Variants in RAPGEF1 observed in about 807,000 individuals in gnomAD.
RAPGEF1 encodes CRK SH3-binding GNRP.
RAPGEF1 carries 33 observed loss-of-function variants against 143.3 expected under a neutral mutation model. The ratio of observed to expected loss-of-function variants is 0.23; its 90% CI spans 0.17 to 0.31. The LOEUF is 0.31. Among genes scored for constraint, RAPGEF1 ranks in the 10% least tolerant of loss-of-function variants. The pLI, the probability that RAPGEF1 is intolerant of heterozygous loss-of-function variation, is 1.00. For synonymous variants in RAPGEF1, 629 were observed against 676.5 expected (o/e 0.93, Z 1.09); for missense variants, 1,199 against 1,645.4 (o/e 0.73, Z 4.69).
chr9:131,587,619 G>T, intron 22 of RAPGEF1, 117 bp downstream of exon 22: 1 of 941,652 alleles, frequency 1.1e-6, no homozygotes, highest in Non-Finnish European at 1.6e-6. Flanking sequence ...GAGCTTAGCG[G>T]AATGAAAGAG....
chr9:131,594,550 G>A (rs1430437860), intron 17 of RAPGEF1, among the ~76,000 whole-genome samples: 2 of 152,206 alleles, frequency 1.3e-5, no homozygotes, highest in African/African-American at 4.8e-5. Context: ...CCAGCTGCTC[G>A]TGATGCTGGT....
chr9:131,597,943 C>A (rs1036717655), intron 16 of RAPGEF1, among the ~76,000 whole-genome samples: 12 of 152,178 alleles, frequency 7.9e-5, no homozygotes, highest in Non-Finnish European at 1.3e-4. Context: ...GGAGTTCTGG[C>A]ATCTTTAGCT....
chr9:131,694,854 T>G (rs921845308), intron 1 of RAPGEF1, among the ~76,000 whole-genome samples: 1 of 151,574 alleles, frequency 6.6e-6, no homozygotes, highest in Non-Finnish European at 1.5e-5. Context: ...ACGTGCAGGT[T>G]AGTTACATTT....
chr9:131,689,040 C>A (rs1262862341), intron 1 of RAPGEF1, among the ~76,000 whole-genome samples: 1 of 152,192 alleles, frequency 6.6e-6, no homozygotes, highest in East Asian at 1.9e-4. Context: ...TTTTTAAACT[C>A]GTTTCATCCA....
intron 18 of RAPGEF1, among the ~76,000 whole-genome samples, chr9:131,591,546 G>A (rs952845756): frequency 1.4e-4 from 22 of 152,200 alleles, no homozygotes; most frequent in Non-Finnish European, 2.6e-4. Context: ...GACATTTACT[G>A]AGGGTGGGCC....
chr9:131,592,330 C>A (rs1004442368), intron 17 of RAPGEF1, 147 bp from the exon 18 acceptor site: 3 of 617,708 alleles, frequency 4.9e-6, no homozygotes, highest in Non-Finnish European at 8.7e-6. Context: ...GGCTTGGGAA[C>A]CCCCTCTGGT....
At chr9:131,719,972 C>T (rs1194397534) in intron 1 of RAPGEF1, among the ~76,000 whole-genome samples, 16 of 151,852 alleles carry the variant, frequency 1.1e-4, no homozygotes, top group Admixed American at 1.1e-3. Flanking sequence ...TGCAACCTCC[C>T]CCTTCTGGGT....
At chr9:131,582,504 C>A (rs1952026833) in intron 25 of RAPGEF1, 101 bp downstream of exon 25, 1 of 850,138 alleles carries the variant, frequency 1.2e-6, no homozygotes, top group East Asian at 3.0e-5. Context: ...CCGTTAGAAA[C>A]CCCTAAATTA....
chr9:131,628,715 C>G lies in RAPGEF1; in HGVS notation c.894-43G>C, dbSNP rs369108686. The G allele has an allele frequency of 7.1e-6, 11 of 1,549,670 alleles. No homozygotes were observed. Among genetic ancestry groups the G allele is most frequent in the Non-Finnish European group, 9.6e-6 (11 of 1,142,686 alleles). ...GTCCAGGCAGACCAAACCACACTCA[C>G]CAAAGCTCTTCAGCGTGATATTGGG... On this transcript the variant is annotated intron_variant, in intron 7 of 26. Transcript: ENST00000683357. The surrounding 1 kb of genome is among the most constrained non-coding windows in gnomAD (Gnocchi z 5.7).
At chr9:131,718,611 G>T (rs1416381498) in intron 1 of RAPGEF1, among the ~76,000 whole-genome samples, 4 of 152,116 alleles carry the variant, frequency 2.6e-5, no homozygotes, top group Non-Finnish European at 5.9e-5. Flanking sequence ...GAGAGAGGAG[G>T]CAAGGACACC....
Position 131,734,024 on chromosome 9 carries a change from C to T in RAPGEF1, c.61+5746G>A, listed in dbSNP as rs534563709. Among the ~76,000 whole-genome samples, 279 of 152,314 alleles carry T rather than the reference C, an allele frequency of 1.8e-3. 2 individuals carry two copies. The highest frequency in any genetic ancestry group is 3.4e-3 in the Middle Eastern group (1 of 294). ...TGCTATTTCTTATCTCTCTACAGCA[C>T]TGTTAATGTGACTAGTATTACGAGT... On this transcript the variant is annotated intron_variant, in intron 1 of 26. Transcript: ENST00000683357.
At chr9:131,644,810 A>G (rs893088309) in intron 3 of RAPGEF1, among the ~76,000 whole-genome samples, 3 of 152,212 alleles carry the variant, frequency 2.0e-5, no homozygotes, top group African/African-American at 7.2e-5. Context: ...TTAAAAAAAT[A>G]AAGTTTAAAA....
At position 131,584,684 on chromosome 9, in the gene RAPGEF1, C is replaced by G; in HGVS notation, c.3234-88G>C. 7.3e-7 allele frequency: 1 copy of G among 1,369,404 alleles called. No individual in the cohort carries two copies. The highest frequency in any genetic ancestry group is 1.0e-6 in the Non-Finnish European group (1 of 965,654). The allele number at this position is 1,369,404 out of a possible 1,614,324, so 84.8% of individuals were successfully genotyped here. The stretch of plus-strand genomic sequence containing the variant: ...CTGGTGGAGACAGGACCTGTACGAC[C>G]CCCATGCCAGTGGCCACGAGCCCAC... On this transcript the variant is annotated intron_variant, in intron 22 of 26. Coordinates refer to ENST00000683357, the MANE Select transcript of RAPGEF1 (RefSeq NM_001377935.1). This position sits in a 1 kb window ranked among gnomAD's most constrained non-coding sequence, Gnocchi z 6.8.
At chr9:131,635,591 C>G (rs1212500825) in intron 5 of RAPGEF1, among the ~76,000 whole-genome samples, 1 of 152,214 alleles carries the variant, frequency 6.6e-6, no homozygotes, top group Non-Finnish European at 1.5e-5. Flanking sequence ...CTCTCTCACG[C>G]CACCAGGGCA....
intron 16 of RAPGEF1, among the ~76,000 whole-genome samples, chr9:131,597,632 C>G (rs1955527550): frequency 6.6e-6 from 1 of 152,208 alleles, no homozygotes; most frequent in Admixed American, 6.5e-5. Context: ...TTCCTCTCCA[C>G]TCTCACAGGT....
At chr9:131,708,029 T>C (rs1416159694) in intron 1 of RAPGEF1, among the ~76,000 whole-genome samples, 1 of 152,080 alleles carries the variant, frequency 6.6e-6, no homozygotes, top group Non-Finnish European at 1.5e-5. Context: ...TGCTAAGGAG[T>C]ACCCTTTCCA....
intron 1 of RAPGEF1, among the ~76,000 whole-genome samples, chr9:131,671,924 C>T (rs944853843): frequency 6.6e-6 from 1 of 152,216 alleles, no homozygotes; most frequent in African/African-American, 2.4e-5. Flanking sequence ...AGAGGCCATG[C>T]ATGTATTAAG....
rs1970925282 is a variant in RAPGEF1, at chr9:131,650,963, G to A, written c.62-14C>T. The A allele has an allele frequency of 6.2e-7, 1 of 1,612,814 alleles. No individual in the cohort carries two copies. The highest frequency in any genetic ancestry group is 2.2e-5 in the East Asian group (1 of 44,878). ...AACGCTGAGAGTCTGAAAACAAAGA[G>A]GGTACTGACTGTTAGATGGGAGTGG... On this transcript the variant is annotated splice_polypyrimidine_tract_variant and intron_variant, in intron 1 of 26. Transcript: ENST00000683357. The surrounding 1 kb of genome is among the most constrained non-coding windows in gnomAD (Gnocchi z 4.7).
In RAPGEF1 at chr9:131,577,787, C is replaced by T. The variant is rs1381617457; in HGVS notation, c.*1710G>A. 2 of 152,212 alleles carry T rather than the reference C, an allele frequency of 1.3e-5. No individual in the cohort carries two copies. Among genetic ancestry groups the T allele is most frequent in the Admixed American group, 6.5e-5 (1 of 15,282 alleles). The allele number at this position is 152,212 out of a possible 1,614,324, so 9.4% of individuals were successfully genotyped here. A position where few individuals can be genotyped will look rare whatever the true frequency, so the allele number is the denominator to read the frequency against. ...AAGTGACAGGTCCCGGCTGGCCCCG[C>T]AAGACCACCGCAAGAGGGGGTCCCG... On this transcript the variant is annotated 3_prime_UTR_variant, in exon 27 of 27. Coordinates refer to ENST00000683357, the MANE Select transcript of RAPGEF1 (RefSeq NM_001377935.1).
Sources: gnomAD v4.1 joint callset for allele counts (sites outside exome capture counted in the v4.1 genomes callset) on GRCh38, gnomAD v4.1.1 for gene constraint, Gnocchi (gnomAD v3.1) non-coding constraint, MANE v1.5 for transcripts, NCBI Gene and HGNC (gene_info 2026-07-23, HGNC 2026-07-21) for gene names.